Variants in ARHGEF18 observed in about 807,000 individuals in gnomAD.
ARHGEF18 encodes the protein Rho/Rac guanine nucleotide exchange factor 18.
Under a neutral mutation model 155.7 loss-of-function variants are expected in ARHGEF18, and 93 were observed. The observed-to-expected ratio is 0.60, with a 90% CI of 0.50 to 0.71. ARHGEF18 has a LOEUF of 0.71. Ranked by LOEUF, ARHGEF18 falls within the 30% of genes least tolerant of loss-of-function variation. ARHGEF18 has a pLI of 0.00. For synonymous variants in ARHGEF18, 742 were observed against 753.1 expected (o/e 0.99, Z 0.24); for missense variants, 1,593 against 1,816.1 (o/e 0.88, Z 2.23).
chr19:7,385,870 T>TCTCTCTCC (rs1555704468), intron 10 of ARHGEF18, among the ~76,000 whole-genome samples: 4 of 29,566 alleles, frequency 1.4e-4, no homozygotes, highest in African/African-American at 5.7e-4. Context: ...TCTCTCTCTC[T>TCTCTCTCC]CCCCCCTCCC....
At chr19:7,414,627 G>C (rs1972888284) in intron 10 of ARHGEF18, among the ~76,000 whole-genome samples, 1 of 151,998 alleles carries the variant, frequency 6.6e-6, no homozygotes, top group African/African-American at 2.4e-5. Flanking sequence ...TGGCCAAGAT[G>C]GTGAAACCCC....
At position 7,447,099 on chromosome 19, in the gene ARHGEF18, C is replaced by G. The variant is rs1975046638; in HGVS notation, c.1668C>G (p.Gly556=). ...MKEKYGVFCS[G]HNEAVSHYKL... ...AAAAGTACGGTGTGTTTTGTAGTGG[C>G]CACAATGAAGCTGTTAGTCATTACA... is the stretch of plus-strand genomic sequence containing the variant. The change falls in exon 15 of 29, where the codon GGC becomes GGG. Residue 556 remains glycine (G), a synonymous_variant. Transcript: ENST00000668164. 11 of 1,613,590 alleles carry G rather than the reference C, an allele frequency of 6.8e-6. No homozygotes were observed. Among genetic ancestry groups the G allele is most frequent in the Non-Finnish European group, 9.3e-6 (11 of 1,179,882 alleles).
chr19:7,372,092 G>A (rs1053531992), intron 2 of ARHGEF18, among the ~76,000 whole-genome samples: 2 of 152,184 alleles, frequency 1.3e-5, no homozygotes, highest in African/African-American at 4.8e-5. Context: ...CTCAGCACTG[G>A]CCTCGCATGG....
At chr19:7,401,177 G>A (rs921284216) in intron 10 of ARHGEF18, among the ~76,000 whole-genome samples, 8 of 152,200 alleles carry the variant, frequency 5.3e-5, no homozygotes, top group African/African-American at 1.7e-4. Flanking sequence ...GGCGCTGGAG[G>A]CAGCAAGGGA....
Position 7,447,165 on chromosome 19 carries a change from C to T in ARHGEF18, c.1734C>T (p.Ile578=), listed in dbSNP as rs1975050712. ...AAAACAAGAAATTTCAAAACTTGATCAAGGTAAAAACAATTTTTTTTTTTA... is the reference window on the plus strand; with the variant it reads ...AAAACAAGAAATTTCAAAACTTGATTAAGGTAAAAACAATTTTTTTTTTTA... ...LQQNKKFQNL[I]KKIGNFSIVR... Residue 578 remains isoleucine, a synonymous_variant, in exon 15 of 29, where the codon ATC becomes ATT. Transcript: ENST00000668164. 1 of 1,609,792 alleles carries T rather than the reference C, an allele frequency of 6.2e-7. No individual in the cohort carries two copies. The highest frequency in any genetic ancestry group is 1.7e-4 in the Middle Eastern group (1 of 6,036).
At chr19:7,394,979 C>T (rs1971605416) in intron 10 of ARHGEF18, 1 of 917,374 alleles carries the variant, frequency 1.1e-6, no homozygotes, top group Non-Finnish European at 1.3e-6. Context: ...AAGGCCGAGC[C>T]GACGCCCCCT....
At chr19:7,465,570 A>G (rs116047872) in intron 23 of ARHGEF18, among the ~76,000 whole-genome samples, 4,259 of 151,984 alleles carry the variant, frequency 0.028, 194 homozygotes, top group African/African-American at 0.093. Flanking sequence ...CCCACACCTG[A>G]CTAATTTTTT....
intron 3 of ARHGEF18, among the ~76,000 whole-genome samples, 153 bp from the exon 4 acceptor site, chr19:7,375,567 T>A (rs149895628): frequency 2.0e-5 from 3 of 152,190 alleles, no homozygotes. Context: ...TCCTCTCATA[T>A]TGGGAGGTCT....
chr19:7,404,255 G>A (rs1247781166), intron 10 of ARHGEF18, among the ~76,000 whole-genome samples: 1 of 152,100 alleles, frequency 6.6e-6, no homozygotes, highest in Non-Finnish European at 1.5e-5. Flanking sequence ...CTGACCTTGT[G>A]TGTTCATTGT....
intron 16 of ARHGEF18, 21 bp downstream of exon 16, chr19:7,451,287 C>T (rs768770134): frequency 1.2e-6 from 2 of 1,605,626 alleles, no homozygotes; most frequent in South Asian, 1.1e-5. Context: ...TCCCCACTGC[C>T]CCGCCCGCCC....
intron 10 of ARHGEF18, among the ~76,000 whole-genome samples, chr19:7,433,165 T>TA (rs34267862): frequency 2.0e-3 from 293 of 144,356 alleles, no homozygotes; most frequent in African/African-American, 5.1e-3. Flanking sequence ...TGTCTCTCTT[T>TA]AAAAAAAAAA....
chr19:7,413,558 C>G (rs1023139318), intron 10 of ARHGEF18, among the ~76,000 whole-genome samples: 1 of 152,048 alleles, frequency 6.6e-6, no homozygotes, highest in Admixed American at 6.6e-5. Context: ...GCCTCGGCCT[C>G]CCAAAGTGCT....
intron 7 of ARHGEF18, among the ~76,000 whole-genome samples, chr19:7,380,395 C>G (rs1600235504): frequency 6.6e-6 from 1 of 151,090 alleles, no homozygotes; most frequent in Non-Finnish European, 1.5e-5. Flanking sequence ...AGGAGAATGG[C>G]GTGAACCCAG....
chr19:7,428,669 T>C (rs558978333), intron 10 of ARHGEF18, among the ~76,000 whole-genome samples: 10 of 152,166 alleles, frequency 6.6e-5, no homozygotes, highest in African/African-American at 2.4e-4. Context: ...ACCACGCCAC[T>C]GCACTCCAGC....
At chr19:7,452,647 G>A (rs1975560254) in intron 16 of ARHGEF18, among the ~76,000 whole-genome samples, 2 of 151,754 alleles carry the variant, frequency 1.3e-5, no homozygotes, top group South Asian at 4.2e-4. Flanking sequence ...TATATTTTTA[G>A]TAGAGACGAG....
In ARHGEF18 at chr19:7,467,194, C is replaced by T. The variant is rs767091404; in HGVS notation, c.3010-20C>T. On this transcript the variant is annotated intron_variant, in intron 25 of 28. Coordinates refer to ENST00000668164, the MANE Select transcript of ARHGEF18 (RefSeq NM_001367823.1). Reference sequence around the variant, plus strand: ...GGGCGCAGGTGCGGCTCTCACTCGCCTGGCCCTGGCCCTCCGCAGGCGGTA... The same window carrying T: ...GGGCGCAGGTGCGGCTCTCACTCGCTTGGCCCTGGCCCTCCGCAGGCGGTA... The T allele has an allele frequency of 3.2e-6, 5 of 1,579,602 alleles. No individual in the cohort carries two copies. The highest frequency in any genetic ancestry group is 1.7e-4 in the Middle Eastern group (1 of 5,808).
In ARHGEF18 at chr19:7,468,951, G is replaced by A. The variant is rs1383141373; in HGVS notation, c.3607G>A (p.Ala1203Thr). 6.3e-6 allele frequency: 10 copies of A among 1,581,014 alleles called. No individual in the cohort carries two copies. Among genetic ancestry groups the A allele is most frequent in the East Asian group, 2.3e-5 (1 of 42,640 alleles). The change falls in exon 27 of 29, where the codon GCC becomes ACC. Residue 1203 changes from alanine (A) to threonine (T), a missense_variant. Ala to Thr is a moderately conservative substitution (Grantham distance 58). Coordinates refer to ENST00000668164, the MANE Select transcript of ARHGEF18 (RefSeq NM_001367823.1). Reference protein sequence around the residue: ...ERPEVARRDSAPTENRLAKSD... With the variant: ...ERPEVARRDSTPTENRLAKSD... The stretch of plus-strand genomic sequence containing the variant: ...CCCCGAGGTGGCTCGCCGGGACAGC[G>A]CCCCCACCGAGAACCGGCTGGCCAA...
At chr19:7,364,546 C>T (rs1354948615) in intron 2 of ARHGEF18, among the ~76,000 whole-genome samples, 3 of 152,134 alleles carry the variant, frequency 2.0e-5, no homozygotes. Context: ...TTTCTCTAAG[C>T]GCTTATGTCA....
chr19:7,438,690 C>T (rs567250769), intron 10 of ARHGEF18, among the ~76,000 whole-genome samples: 1 of 152,206 alleles, frequency 6.6e-6, no homozygotes, highest in East Asian at 1.9e-4. Context: ...GGATTACAGG[C>T]ATGAGCCACC....
Sources: allele counts gnomAD v4.1 joint callset (sites outside exome capture counted in the v4.1 genomes callset), GRCh38; gene constraint gnomAD v4.1.1; transcripts MANE v1.5; gene names NCBI Gene and HGNC (gene_info 2026-07-23, HGNC 2026-07-21).